SPATA24: variants seen among roughly 807,000 people sequenced by gnomAD.
The protein encoded by SPATA24 is spermatogenesis-associated protein 24.
Under a neutral mutation model 28.9 loss-of-function variants are expected in SPATA24, and 21 were observed. That is an observed-to-expected ratio of 0.73 (90% confidence interval 0.52 to 1.05). The LOEUF (loss-of-function observed/expected upper bound fraction) is 1.05, where lower values mean the gene tolerates loss of function less well. Ranked by LOEUF, SPATA24 falls within the 50% of genes least tolerant of loss-of-function variation. SPATA24 has a pLI of 0.00. For missense variants in SPATA24, 215 were observed against 242.9 expected (o/e 0.88, Z 0.76); for synonymous variants, 76 against 89.9 (o/e 0.85, Z 0.88).
intron 4 of SPATA24, among the ~76,000 whole-genome samples, chr5:139,400,202 C>G (rs1758792455): frequency 6.6e-6 from 1 of 152,096 alleles, no homozygotes; most frequent in Admixed American, 6.5e-5. Context: ...ACATGGGAGC[C>G]CCATCAGTAA....
chr5:139,394,322 C>T, downstream of SPATA24: 1 of 1,470,850 alleles, frequency 6.8e-7, no homozygotes. Flanking sequence ...CTGGCCAACG[C>T]CGTCTGCACG....
In SPATA24 at chr5:139,398,159, G is replaced by T. The variant is rs543370330; in HGVS notation, c.386-1016C>A. ...CCAGCCTTGTGCTAGGGCTTCAGGG[G>T]TGGTGGGAGAAGATGGGAGTTGCCT... On this transcript the variant is annotated intron_variant, in intron 4 of 5. Transcript: ENST00000450845. Among the ~76,000 whole-genome samples, 17 of 152,350 alleles carry T rather than the reference G, an allele frequency of 1.1e-4. No individual in the cohort carries two copies. The South Asian group carries it at 3.5e-3, about 32-fold the overall frequency.
chr5:139,393,152 G>C (rs766612151), downstream of SPATA24: 1 of 1,546,110 alleles, frequency 6.5e-7, no homozygotes, highest in Non-Finnish European at 8.7e-7. Flanking sequence ...CCAGAGCCTT[G>C]TGCTCCTGCC....
intron 4 of SPATA24, among the ~76,000 whole-genome samples, chr5:139,400,692 G>C (rs1758803376): frequency 6.6e-6 from 1 of 152,196 alleles, no homozygotes; most frequent in Non-Finnish European, 1.5e-5. Flanking sequence ...AGCTGACTCA[G>C]AAGGTGCCCC....
chr5:139,393,821 T>G (rs1403715835), downstream of SPATA24: 5 of 1,551,116 alleles, frequency 3.2e-6, no homozygotes, highest in Admixed American at 2.0e-5. Flanking sequence ...CTCCGAGTAG[T>G]CCGATCCCAC....
rs920917654 is a variant in SPATA24 at position 139,403,947 on chromosome 5, G to A, written c.114C>T (p.Asn38=). The change falls in exon 1 of 6, where the codon AAC becomes AAT. Residue 38 remains asparagine, a synonymous_variant. Coordinates refer to ENST00000450845, the MANE Select transcript of SPATA24 (RefSeq NM_194296.2). ...SQEELIHQLR[N]VMVLQDENFV... ...CCAAACTCCTCTGGCTGCATACCAC[G>A]TTCCTCAGCTGGTGGATTAGTTCCT... The A allele has an allele frequency of 1.9e-6, 3 of 1,551,130 alleles. No individual in the cohort carries two copies. The African/African-American group carries it at 4.1e-5, about 21-fold the overall frequency.
chr5:139,393,524 C>T (rs776114809), downstream of SPATA24: 13 of 1,551,342 alleles, frequency 8.4e-6, no homozygotes, highest in South Asian at 4.8e-5. Context: ...TCCCATGTCT[C>T]TTGGGGAGAT....
Position 139,403,974 on chromosome 5 carries a change from C to T in SPATA24, c.87G>A (p.Gln29=), listed in dbSNP as rs900185954. 1 of 1,551,726 alleles carries T rather than the reference C, an allele frequency of 6.4e-7. No individual in the cohort carries two copies. The highest frequency in any genetic ancestry group is 1.4e-5 in the African/African-American group (1 of 73,054). ...TCCTCAGCTGGTGGATTAGTTCCTCCTGAGACTCAATCACGTCCCGCAGTT... is the reference window on the plus strand; with the variant it reads ...TCCTCAGCTGGTGGATTAGTTCCTCTTGAGACTCAATCACGTCCCGCAGTT... The part of the protein sequence containing the change: ...LDQLRDVIES[Q]EELIHQLRNV... The change falls in exon 1 of 6, where the codon CAG becomes CAA. Residue 29 remains glutamine, a synonymous_variant. Coordinates refer to ENST00000450845, the MANE Select transcript of SPATA24 (RefSeq NM_194296.2).
At chr5:139,398,038 G>A (rs1243212735) in intron 4 of SPATA24, among the ~76,000 whole-genome samples, 3 of 152,360 alleles carry the variant, frequency 2.0e-5, no homozygotes, top group East Asian at 1.9e-4. Context: ...TTTGCAGACC[G>A]AATGAACGGG....
chr5:139,393,350 T>A, downstream of SPATA24: 1 of 1,551,388 alleles, frequency 6.4e-7, no homozygotes, highest in African/African-American at 1.4e-5. Flanking sequence ...GACTGCTGAC[T>A]CCCTCCAAAG....
At chr5:139,397,224 T>A in intron 4 of SPATA24, 81 bp from the exon 5 acceptor site, 2 of 1,075,554 alleles carry the variant, frequency 1.9e-6, no homozygotes, top group South Asian at 2.9e-5. Context: ...CTCACGGGGC[T>A]TTTCAGAGCT....
At chr5:139,394,158 G>T, downstream of SPATA24, 1 of 1,546,038 alleles carries the variant, frequency 6.5e-7, no homozygotes, top group South Asian at 1.2e-5. Context: ...GGGCCTTGGC[G>T]GGGGCCGAAT....
At chr5:139,399,656 TA>T (rs1455134970) in intron 4 of SPATA24, among the ~76,000 whole-genome samples, 2 of 152,042 alleles carry the variant, frequency 1.3e-5, no homozygotes, top group Non-Finnish European at 2.9e-5. Context: ...CCTTTGAGAG[TA>T]AAGAACTATG....
rs746625944 is a variant in SPATA24, at chr5:139,404,040, C to G, written c.21G>C (p.Trp7Cys). 1.2e-5 allele frequency: 19 copies of G among 1,551,700 alleles called. No individual in the cohort carries two copies. In the Admixed American group the frequency reaches 3.7e-4, roughly 30 times the overall value. The change falls in exon 1 of 6, where the codon TGG becomes TGC. Residue 7 changes from tryptophan to cysteine, a missense_variant. By Grantham distance (215) the Trp-to-Cys change is radical. Coordinates refer to ENST00000450845, the MANE Select transcript of SPATA24 (RefSeq NM_194296.2). ...ACACAGATCCTGACCCCGCCTTCGA[C>G]CACCCGAGGGGCGTCGCCATCTTCC... MATPLGWSKAGSGSVCL... is the reference protein window; with the variant it reads MATPLGCSKAGSGSVCL...
At chr5:139,399,764 G>A (rs1212636048) in intron 4 of SPATA24, among the ~76,000 whole-genome samples, 1 of 152,192 alleles carries the variant, frequency 6.6e-6, no homozygotes, top group East Asian at 1.9e-4. Flanking sequence ...TGGCTCAGGA[G>A]GGCTTGTGTC....
chr5:139,399,113 G>T (rs953266589), intron 4 of SPATA24, among the ~76,000 whole-genome samples: 2 of 150,780 alleles, frequency 1.3e-5, no homozygotes, highest in East Asian at 2.0e-4. Context: ...GTCAGGAGAT[G>T]GAGACCATCC....
downstream of SPATA24, chr5:139,394,390 A>T: frequency 7.2e-7 from 1 of 1,395,546 alleles, no homozygotes; most frequent in Non-Finnish European, 9.2e-7. Context: ...GGTGCGCAGG[A>T]GCAGCCGGGG....
chr5:139,392,973 G>A (rs1459032395), downstream of SPATA24: 1 of 1,506,044 alleles, frequency 6.6e-7, no homozygotes, highest in Non-Finnish European at 8.9e-7. This position sits in a 1 kb window ranked among gnomAD's most constrained non-coding sequence, Gnocchi z 5.8. Flanking sequence ...GGGCGACCGT[G>A]TCGAAGGACG....
downstream of SPATA24, chr5:139,396,606 A>G: frequency 7.0e-7 from 1 of 1,429,148 alleles, no homozygotes; most frequent in Non-Finnish European, 9.2e-7. Flanking sequence ...GGGATTAAAT[A>G]CCCAAAGGAA....
Sources: allele counts gnomAD v4.1 joint callset (sites outside exome capture counted in the v4.1 genomes callset), GRCh38; gene constraint gnomAD v4.1.1; non-coding constraint Gnocchi (gnomAD v3.1); transcripts MANE v1.5; gene names NCBI Gene and HGNC (gene_info 2026-07-23, HGNC 2026-07-21).